The following MCC variants were observed in gnomAD, a reference collection of about 807,000 sequenced individuals.
MCC encodes the protein MCC regulator of Wnt signaling pathway.
In MCC, 90 loss-of-function variants were observed where a neutral mutation model predicts 116.2. That is an observed-to-expected ratio of 0.77 (90% CI 0.65 to 0.92). MCC has a LOEUF of 0.92. Among genes scored for constraint, MCC ranks in the 40% least tolerant of loss-of-function variants. MCC has a pLI of 0.00. For synonymous variants in MCC, 578 were observed against 510.5 expected (o/e 1.13, Z -1.78); for missense variants, 1,516 against 1,312.2 (o/e 1.16, Z -2.40).
intron 3 of MCC, among the ~76,000 whole-genome samples, chr5:113,260,875 C>T (rs1581332749): frequency 6.6e-6 from 1 of 152,106 alleles, no homozygotes; most frequent in East Asian, 1.9e-4. Flanking sequence ...TCAGTTTTCA[C>T]TTTCACCTGA....
At position 113,451,046 on chromosome 5, in the gene MCC, A is replaced by AT. The variant is rs201856832; in HGVS notation, c.170+37198dup. The stretch of plus-strand genomic sequence containing the variant: ...TGCATCTTTCCTTTTCCACAATTGC[A>AT]TTTTTTTTTCTTTTCTACACTGCCC... On this transcript the variant is annotated intron_variant, in intron 1 of 18. Coordinates refer to ENST00000408903, the MANE Select transcript of MCC (RefSeq NM_001085377.2). Among the ~76,000 whole-genome samples the AT allele has an allele frequency of 1.3e-3, 191 of 149,682 alleles. 2 individuals are homozygous for AT. The South Asian group carries it at 0.016, about 12-fold the overall frequency.
At chr5:113,333,110 T>C (rs1001518976) in intron 3 of MCC, among the ~76,000 whole-genome samples, 1 of 151,612 alleles carries the variant, frequency 6.6e-6, no homozygotes, top group Non-Finnish European at 1.5e-5. Flanking sequence ...CAAAAACTAA[T>C]GTGAAACACA....
At chr5:113,281,440 G>A (rs113951934) in intron 3 of MCC, among the ~76,000 whole-genome samples, 3,111 of 152,240 alleles carry the variant, frequency 0.02, 34 homozygotes, top group Middle Eastern at 0.027. Flanking sequence ...CTGTTTCTCT[G>A]CAGTGCATCC....
chr5:113,467,613 A>G (rs1408624984), intron 1 of MCC, among the ~76,000 whole-genome samples: 1 of 152,162 alleles, frequency 6.6e-6, no homozygotes, highest in African/African-American at 2.4e-5. Flanking sequence ...GAAGTCAGGT[A>G]GCGTGATGCT....
At chr5:113,067,585 A>G (rs548015914) in intron 13 of MCC, among the ~76,000 whole-genome samples, 2 of 152,302 alleles carry the variant, frequency 1.3e-5, no homozygotes, top group African/African-American at 4.8e-5. Flanking sequence ...GCAGTGAGCC[A>G]AGATTGCACC....
chr5:113,031,089 T>C (rs188718054), intron 17 of MCC, among the ~76,000 whole-genome samples: 2 of 152,158 alleles, frequency 1.3e-5, no homozygotes, highest in East Asian at 3.9e-4. Flanking sequence ...TTAGCTACTA[T>C]GAGGGTAAGT....
At chr5:113,166,086 A>G (rs12654269) in intron 3 of MCC, among the ~76,000 whole-genome samples, 35,514 of 152,060 alleles carry the variant, frequency 0.23, 4,222 homozygotes, top group Middle Eastern at 0.27. Flanking sequence ...TTTTCTTGTC[A>G]TGTCTACCAT....
chr5:113,047,999 C>T (rs899607181), intron 16 of MCC, among the ~76,000 whole-genome samples: 6 of 152,178 alleles, frequency 3.9e-5, no homozygotes, highest in Non-Finnish European at 7.4e-5. Flanking sequence ...GGTAGCAACG[C>T]CAGCAGGAAG....
rs1210115542 is a variant in MCC at position 113,378,340 on chromosome 5, C to T, written c.415+6628G>A. Among the ~76,000 whole-genome samples, 7 of 152,040 alleles carry T rather than the reference C, an allele frequency of 4.6e-5. No homozygotes were observed. In the South Asian group the frequency reaches 1.2e-3, roughly 27 times the overall value. On this transcript the variant is annotated intron_variant, in intron 2 of 18. Coordinates refer to ENST00000408903, the MANE Select transcript of MCC (RefSeq NM_001085377.2). ...TCAGTACTTTATTTTTTCCTTAGAC[C>T]ATGGGGCACCATCAGAGCAGCAATG...
chr5:113,239,566 A>T (rs940554080), intron 3 of MCC, among the ~76,000 whole-genome samples: 5 of 152,142 alleles, frequency 3.3e-5, no homozygotes, highest in African/African-American at 9.7e-5. Flanking sequence ...ATGCCAGAGA[A>T]GAGGATGTGG....
Position 113,448,566 on chromosome 5 carries a change from A to C in MCC, c.170+39679T>G, listed in dbSNP as rs187104650. Among the ~76,000 whole-genome samples the C allele has an allele frequency of 6.1e-4, 93 of 152,298 alleles. No individual in the cohort carries two copies. The South Asian group carries it at 0.019, about 31-fold the overall frequency. The stretch of plus-strand genomic sequence containing the variant: ...AGAATGACAGCTGCAGATACCAATG[A>C]TCCCTGAAGTTTTTCATTTTTCAGA... On this transcript the variant is annotated intron_variant, in intron 1 of 18. Coordinates refer to ENST00000408903, the MANE Select transcript of MCC (RefSeq NM_001085377.2).
intron 1 of MCC, chr5:113,432,496 T>G (rs1014255686): frequency 4.2e-5 from 6 of 144,488 alleles, no homozygotes; most frequent in African/African-American, 1.6e-4. Context: ...GGAATAATAA[T>G]AGGACCCCTC....
At chr5:113,372,571 A>G (rs1176818891) in intron 2 of MCC, among the ~76,000 whole-genome samples, 1 of 152,236 alleles carries the variant, frequency 6.6e-6, no homozygotes, top group East Asian at 1.9e-4. Context: ...CAGTGAATAC[A>G]GAATTAAGAG....
chr5:113,343,382 C>T (rs1768057567), intron 2 of MCC, among the ~76,000 whole-genome samples: 1 of 152,196 alleles, frequency 6.6e-6, no homozygotes, highest in Non-Finnish European at 1.5e-5. Context: ...GATTGTATTG[C>T]AAGGCAGGTT....
intron 17 of MCC, among the ~76,000 whole-genome samples, chr5:113,041,758 G>A (rs1751719273): frequency 6.6e-6 from 1 of 152,206 alleles, no homozygotes; most frequent in Non-Finnish European, 1.5e-5. Flanking sequence ...ACACTGTGAG[G>A]CCAAGGCGGT....
At chr5:113,032,312 G>T (rs2150208049) in intron 17 of MCC, among the ~76,000 whole-genome samples, 1 of 151,890 alleles carries the variant, frequency 6.6e-6, no homozygotes, top group South Asian at 2.1e-4. Context: ...GGAGCCTGAG[G>T]CAGGAGAATC....
intron 3 of MCC, among the ~76,000 whole-genome samples, chr5:113,303,977 G>A (rs1170281052): frequency 6.6e-6 from 1 of 152,152 alleles, no homozygotes; most frequent in Non-Finnish European, 1.5e-5. Context: ...TGGGAAGTAT[G>A]TTGCCCAAAG....
chr5:113,251,246 G>T (rs1764787873), intron 3 of MCC, among the ~76,000 whole-genome samples: 1 of 152,120 alleles, frequency 6.6e-6, no homozygotes, highest in South Asian at 2.1e-4. Flanking sequence ...CAAGCCAAAA[G>T]GTATTTTCTT....
At chr5:113,336,178 C>A (rs988001121) in intron 3 of MCC, among the ~76,000 whole-genome samples, 11 of 151,408 alleles carry the variant, frequency 7.3e-5, no homozygotes, top group African/African-American at 2.7e-4. Flanking sequence ...GAGGGTGGAG[C>A]CATCATGGCC....
Sources: gnomAD v4.1 joint callset for allele counts (sites outside exome capture counted in the v4.1 genomes callset) on GRCh38, gnomAD v4.1.1 for gene constraint, MANE v1.5 for transcripts, NCBI Gene and HGNC (gene_info 2026-07-23, HGNC 2026-07-21) for gene names.